Variants in CDH12 observed in about 807,000 individuals in gnomAD.
CDH12 encodes the protein cadherin-12.
CDH12 carries 41 observed loss-of-function variants against 74.1 expected under a neutral mutation model. The observed-to-expected ratio is 0.55, with a 90% CI of 0.43 to 0.72. The LOEUF is 0.72. CDH12 is among the 30% of genes least tolerant of loss of function. The pLI, the probability that CDH12 is intolerant of heterozygous loss-of-function variation, is 0.00. For missense variants in CDH12, 945 were observed against 977.2 expected (o/e 0.97, Z 0.44); for synonymous variants, 399 against 355.0 (o/e 1.12, Z -1.39).
chr5:22,420,478 A>G (rs75304730), intron 2 of CDH12, among the ~76,000 whole-genome samples: 15 of 152,094 alleles, frequency 9.9e-5, no homozygotes, highest in Non-Finnish European at 2.2e-4. Flanking sequence ...AGACTGGATG[A>G]TTATAGATGT....
At chr5:22,053,626 CTTA>C (rs1383416785) in intron 5 of CDH12, among the ~76,000 whole-genome samples, 1 of 152,028 alleles carries the variant, frequency 6.6e-6, no homozygotes, top group African/African-American at 2.4e-5. Context: ...CTCCCATTTT[CTTA>C]TCTTTATCAG....
chr5:22,107,845 G>A (rs1744573259), intron 4 of CDH12, among the ~76,000 whole-genome samples: 1 of 152,040 alleles, frequency 6.6e-6, no homozygotes, highest in Non-Finnish European at 1.5e-5. Context: ...ACAAATAGAA[G>A]AGTCACATAT....
chr5:22,769,138 T>C (rs2127067488), intron 1 of CDH12, among the ~76,000 whole-genome samples: 1 of 152,226 alleles, frequency 6.6e-6, no homozygotes, highest in African/African-American at 2.4e-5. Context: ...GATGCCTAGA[T>C]TGCTGCTAAA....
intron 1 of CDH12, among the ~76,000 whole-genome samples, chr5:22,839,173 TATC>T (rs1050611152): frequency 1.3e-5 from 2 of 152,138 alleles, no homozygotes; most frequent in African/African-American, 4.8e-5. Flanking sequence ...AGGGGTTAAA[TATC>T]ATGCTACAAC....
At chr5:22,793,124 C>T (rs926570588) in intron 1 of CDH12, among the ~76,000 whole-genome samples, 2 of 152,102 alleles carry the variant, frequency 1.3e-5, no homozygotes, top group African/African-American at 4.8e-5. Context: ...TTGGTTGGAG[C>T]TACATTACAC....
chr5:22,342,651 TTCTTTCTTTC>T (rs1739915987), intron 3 of CDH12, among the ~76,000 whole-genome samples: 1 of 149,818 alleles, frequency 6.7e-6, no homozygotes, highest in South Asian at 2.1e-4. Flanking sequence ...TTTCTTATTT[TTCTTTCTTTC>T]TCTTTCTTTC....
chr5:22,466,939 C>T (rs1363958332), intron 2 of CDH12, among the ~76,000 whole-genome samples: 1 of 151,778 alleles, frequency 6.6e-6, no homozygotes, highest in Admixed American at 6.6e-5. Flanking sequence ...CAGGCACGTG[C>T]CGCCAAGGCC....
At chr5:22,148,626 T>C (rs1747363703) in intron 4 of CDH12, among the ~76,000 whole-genome samples, 1 of 152,152 alleles carries the variant, frequency 6.6e-6, no homozygotes, top group African/African-American at 2.4e-5. Flanking sequence ...GCAGAGTTGG[T>C]TCCTTCTGGA....
rs546083380 is a variant in CDH12, at chr5:22,557,476, C to A, written c.-522-52112G>T. Among the ~76,000 whole-genome samples, 144 of 152,024 alleles carry A rather than the reference C, an allele frequency of 9.5e-4. 5 individuals carry two copies. The highest frequency in any genetic ancestry group is 7.7e-4 in the Non-Finnish European group (52 of 67,950). On this transcript the variant is annotated intron_variant, in intron 1 of 14. Transcript: ENST00000382254. Reference sequence around the variant, plus strand: ...GGAAAGGCATTGCCAGCAATTCTGGCAAAGATAATGTGCATTGGAAGTGAT... The same window carrying A: ...GGAAAGGCATTGCCAGCAATTCTGGAAAAGATAATGTGCATTGGAAGTGAT...
At chr5:22,369,428 G>A (rs1382470506) in intron 3 of CDH12, among the ~76,000 whole-genome samples, 2 of 151,644 alleles carry the variant, frequency 1.3e-5, no homozygotes, top group Admixed American at 1.3e-4. Context: ...TAGAAAACAG[G>A]CATAAAAGTG....
intron 5 of CDH12, among the ~76,000 whole-genome samples, chr5:22,069,984 T>C (rs1203575455): frequency 6.6e-6 from 1 of 152,096 alleles, no homozygotes; most frequent in Non-Finnish European, 1.5e-5. Context: ...AAATCAGTAA[T>C]GGAAAAAGGC....
At chr5:22,177,995 G>A (rs1199627615) in intron 4 of CDH12, among the ~76,000 whole-genome samples, 3 of 152,124 alleles carry the variant, frequency 2.0e-5, no homozygotes, top group Non-Finnish European at 4.4e-5. Context: ...CACTACTGAT[G>A]GTGAAAGAAA....
chr5:22,025,863 C>T (rs1738313842), intron 5 of CDH12, among the ~76,000 whole-genome samples: 1 of 152,148 alleles, frequency 6.6e-6, no homozygotes, highest in Admixed American at 6.6e-5. Flanking sequence ...TTCTTAAGAA[C>T]AACCCCTCAT....
intron 2 of CDH12, among the ~76,000 whole-genome samples, chr5:22,478,776 C>G (rs533458589): frequency 6.6e-6 from 1 of 152,100 alleles, no homozygotes; most frequent in Admixed American, 6.6e-5. Context: ...ATTAAACCCT[C>G]TATATCATAA....
chr5:22,228,169 A>T (rs1377002024), intron 3 of CDH12, among the ~76,000 whole-genome samples: 1 of 152,120 alleles, frequency 6.6e-6, no homozygotes, highest in Non-Finnish European at 1.5e-5. Context: ...CGTACTATTA[A>T]CACTTAGTTA....
rs181003948 is a variant in CDH12, at chr5:22,272,778, C to T, written c.-332-60135G>A. Among the ~76,000 whole-genome samples, 408 of 152,220 alleles carry T rather than the reference C, an allele frequency of 2.7e-3. 1 individual carries two copies. The highest frequency in any genetic ancestry group is 9.2e-3 in the African/African-American group (381 of 41,538). On this transcript the variant is annotated intron_variant, in intron 3 of 14. Coordinates refer to ENST00000382254, the MANE Select transcript of CDH12 (RefSeq NM_004061.5). ...CACAACATTGATCTAAATGTGACACCTTATATGGGTGCTGTGTTCGTCTGT... is the reference window on the plus strand; with the variant it reads ...CACAACATTGATCTAAATGTGACACTTTATATGGGTGCTGTGTTCGTCTGT...
At chr5:22,648,194 C>T (rs1739540127) in intron 1 of CDH12, among the ~76,000 whole-genome samples, 1 of 151,792 alleles carries the variant, frequency 6.6e-6, no homozygotes, top group South Asian at 2.1e-4. Flanking sequence ...CAAGCGTTGG[C>T]AATTCCAACA....
chr5:21,841,700 C>G (rs1020909863), intron 8 of CDH12, among the ~76,000 whole-genome samples: 1 of 151,974 alleles, frequency 6.6e-6, no homozygotes, highest in South Asian at 2.1e-4. Context: ...GAGTTCATGT[C>G]CTTTGTCGGG....
At chr5:22,305,100 T>C (rs1205075925) in intron 3 of CDH12, among the ~76,000 whole-genome samples, 1 of 2,196 alleles carries the variant, frequency 4.6e-4, no homozygotes. Flanking sequence ...CTAAAATATA[T>C]CTATAACATA....
Sources: gnomAD v4.1 joint callset for allele counts (sites outside exome capture counted in the v4.1 genomes callset) on GRCh38, gnomAD v4.1.1 for gene constraint, MANE v1.5 for transcripts, NCBI Gene and HGNC (gene_info 2026-07-23, HGNC 2026-07-21) for gene names.